SIPA1L2: variants seen among roughly 807,000 people sequenced by gnomAD.
The protein encoded by SIPA1L2 is signal induced proliferation associated 1 like 2, also known as signal-induced proliferation-associated 1-like protein 2.
A neutral mutation model predicts 163.9 loss-of-function variants in SIPA1L2; 56 were observed. That is an observed-to-expected ratio of 0.34 (90% confidence interval 0.28 to 0.43). SIPA1L2 has a LOEUF of 0.43. Among genes scored for constraint, SIPA1L2 ranks in the 20% least tolerant of loss-of-function variants. The pLI is 1.00. For synonymous variants in SIPA1L2, 877 were observed against 865.7 expected (o/e 1.01, Z -0.23); for missense variants, 1,974 against 2,193.5 (o/e 0.90, Z 2.00).
intron 2 of SIPA1L2, among the ~76,000 whole-genome samples, chr1:232,540,138 T>C (rs1401866003): frequency 2.0e-5 from 3 of 151,986 alleles, no homozygotes; most frequent in Non-Finnish European, 2.9e-5. Flanking sequence ...ACCTCATCTC[T>C]ACTTAAAATA....
At chr1:232,522,094 C>T (rs1315632427) in intron 2 of SIPA1L2, among the ~76,000 whole-genome samples, 1 of 152,148 alleles carries the variant, frequency 6.6e-6, no homozygotes. Flanking sequence ...TTTTACCTTC[C>T]AAATACTCCT....
At chr1:232,431,441 T>C (rs1051746791) in intron 16 of SIPA1L2, among the ~76,000 whole-genome samples, 1 of 152,202 alleles carries the variant, frequency 6.6e-6, no homozygotes, top group Non-Finnish European at 1.5e-5. Flanking sequence ...AAAAAAGTGA[T>C]ACTAGTTCAC....
intron 2 of SIPA1L2, among the ~76,000 whole-genome samples, chr1:232,539,535 C>T (rs1252792188): frequency 6.6e-6 from 1 of 152,046 alleles, no homozygotes; most frequent in Non-Finnish European, 1.5e-5. Flanking sequence ...TAGATCTGGG[C>T]CCACTACCTC....
intron 19 of SIPA1L2, 40 bp downstream of exon 19, chr1:232,415,454 C>T (rs1661190414): frequency 1.9e-6 from 3 of 1,565,240 alleles, no homozygotes; most frequent in South Asian, 1.2e-5. Context: ...GAAAGCACTC[C>T]CAGGGTAAGG....
At chr1:232,444,064 G>A (rs190666834) in intron 11 of SIPA1L2, among the ~76,000 whole-genome samples, 2 of 152,218 alleles carry the variant, frequency 1.3e-5, no homozygotes, top group Admixed American at 6.5e-5. Flanking sequence ...AACAAGTCAC[G>A]TTTTAGTTCT....
rs777514585 is a variant in SIPA1L2, at chr1:232,514,080, G to T, written c.1260C>A (p.Gly420=). The change falls in exon 3 of 23, where the codon GGC becomes GGA. Residue 420 remains glycine, a synonymous_variant. Transcript: ENST00000674635. Reference sequence around the variant, plus strand: ...CTCGAGAGAGCGCAATCCGCCTGTCGCCTTCCCCTCCAGTCTCATTTCTAA... The same window carrying T: ...CTCGAGAGAGCGCAATCCGCCTGTCTCCTTCCCCTCCAGTCTCATTTCTAA... ...PYFRNETGGE[G]DRRIALSRAN... is the part of the protein sequence containing the mutation. 3 of 1,614,168 alleles carry T rather than the reference G, an allele frequency of 1.9e-6. No individual in the cohort carries two copies. The Admixed American group carries it at 5.0e-5, about 27-fold the overall frequency.
At position 232,464,831 on chromosome 1, in the gene SIPA1L2, T is replaced by C. The variant is rs760477580; in HGVS notation, c.2820+9A>G. 5 of 1,561,506 alleles carry C rather than the reference T, an allele frequency of 3.2e-6. No individual in the cohort carries two copies. The highest frequency in any genetic ancestry group is 2.7e-5 in the African/African-American group (2 of 73,014). On this transcript the variant is annotated intron_variant, in intron 9 of 22. Transcript: ENST00000674635. ...AAGGATGGCGGGAAAATAGAAAACA[T>C]GTACTTACTACTAATCGCTGAACAA...
intron 2 of SIPA1L2, among the ~76,000 whole-genome samples, chr1:232,572,223 G>T (rs1371327098): frequency 6.6e-6 from 1 of 152,164 alleles, no homozygotes; most frequent in East Asian, 1.9e-4. Context: ...CCCTTAGCTG[G>T]CCAGCAGGCT....
At chr1:232,528,102 A>ATATATATATATATATATATATATATCT (rs34779799) in intron 2 of SIPA1L2, among the ~76,000 whole-genome samples, 1 of 118,498 alleles carries the variant, frequency 8.4e-6, no homozygotes, top group African/African-American at 3.5e-5. Flanking sequence ...ATATATATAT[A>ATATATATATATATATATATATATATCT]ATCAACTTTC....
At chr1:232,617,594 T>G (rs1662565251) in intron 1 of SIPA1L2, among the ~76,000 whole-genome samples, 1 of 152,152 alleles carries the variant, frequency 6.6e-6, no homozygotes, top group Non-Finnish European at 1.5e-5. Flanking sequence ...ACTGCATGAT[T>G]CCATTTACAT....
At chr1:232,620,648 T>G (rs914095662) in intron 1 of SIPA1L2, among the ~76,000 whole-genome samples, 1 of 152,234 alleles carries the variant, frequency 6.6e-6, no homozygotes, top group East Asian at 1.9e-4. Context: ...CAGATTTAAC[T>G]GCCCTAAAAT....
intron 1 of SIPA1L2, among the ~76,000 whole-genome samples, chr1:232,601,940 C>A (rs1416126465): frequency 1.0e-3 from 159 of 152,258 alleles, no homozygotes; most frequent in South Asian, 8.3e-3. Flanking sequence ...TATGGGATGT[C>A]ACCTTACAAG....
chr1:232,588,965 G>A (rs1660823861), intron 1 of SIPA1L2, among the ~76,000 whole-genome samples: 1 of 152,088 alleles, frequency 6.6e-6, no homozygotes, highest in African/African-American at 2.4e-5. Context: ...GGTAGATTAT[G>A]TGATTGATAG....
chr1:232,625,155 AG>A (rs1452341984), intron 1 of SIPA1L2, among the ~76,000 whole-genome samples: 2 of 152,222 alleles, frequency 1.3e-5, no homozygotes, highest in African/African-American at 4.8e-5. Flanking sequence ...CCATGTGGAA[AG>A]GTGGAGCTAT....
intron 1 of SIPA1L2, among the ~76,000 whole-genome samples, chr1:232,603,939 T>G (rs1661748945): frequency 6.6e-6 from 1 of 152,108 alleles, no homozygotes; most frequent in Admixed American, 6.5e-5. Context: ...AATACAGAAG[T>G]GAAGCGAGCA....
chr1:232,549,019 T>C (rs973116849), intron 2 of SIPA1L2, among the ~76,000 whole-genome samples: 1 of 152,348 alleles, frequency 6.6e-6, no homozygotes, highest in South Asian at 2.1e-4. Context: ...AAGGGGATTC[T>C]GCAAGAAATA....
intron 12 of SIPA1L2, among the ~76,000 whole-genome samples, chr1:232,443,399 G>A (rs1663020626): frequency 6.6e-6 from 1 of 152,122 alleles, no homozygotes; most frequent in African/African-American, 2.4e-5. Flanking sequence ...GAAAAAACAG[G>A]CTGAGAACAT....
chr1:232,487,691 G>A (rs971061242), intron 5 of SIPA1L2, among the ~76,000 whole-genome samples: 2 of 151,754 alleles, frequency 1.3e-5, no homozygotes, highest in African/African-American at 4.8e-5. Context: ...GTAGCAAAAC[G>A]TCTTGTTTAA....
At chr1:232,525,618 C>T (rs1482477617) in intron 2 of SIPA1L2, among the ~76,000 whole-genome samples, 1 of 152,044 alleles carries the variant, frequency 6.6e-6, no homozygotes, top group African/African-American at 2.4e-5. Flanking sequence ...GCTTGGTGCA[C>T]TGCAAGGCTG....
Sources: allele counts gnomAD v4.1 joint callset (sites outside exome capture counted in the v4.1 genomes callset), GRCh38; gene constraint gnomAD v4.1.1; transcripts MANE v1.5; gene names NCBI Gene and HGNC (gene_info 2026-07-23, HGNC 2026-07-21).